The following MAP7 variants were observed in gnomAD, a reference collection of about 807,000 sequenced individuals.
MAP7 encodes ensconsin.
In MAP7, 52 loss-of-function variants were observed where a neutral mutation model predicts 94.8. That is an observed-to-expected ratio of 0.55 (90% confidence interval 0.44 to 0.69). The LOEUF is 0.69. Ranked by LOEUF, MAP7 falls within the 30% of genes least tolerant of loss-of-function variation. The pLI is 0.00. For missense variants in MAP7, 940 were observed against 964.6 expected (o/e 0.97, Z 0.34); for synonymous variants, 350 against 357.0 (o/e 0.98, Z 0.22).
intron 1 of MAP7, among the ~76,000 whole-genome samples, chr6:136,495,639 G>GT (rs758286223): frequency 2.6e-5 from 4 of 152,138 alleles, no homozygotes; most frequent in Non-Finnish European, 4.4e-5. Flanking sequence ...ACCTGTATAA[G>GT]TTTTTTTAAA....
At chr6:136,483,792 C>G (rs902332109) in intron 1 of MAP7, among the ~76,000 whole-genome samples, 9 of 152,178 alleles carry the variant, frequency 5.9e-5, no homozygotes, top group African/African-American at 2.2e-4. Flanking sequence ...AACTGTCTTG[C>G]TGTAAACTTC....
intron 1 of MAP7, chr6:136,526,206 C>T: frequency 8.1e-7 from 1 of 1,234,568 alleles, no homozygotes; most frequent in Non-Finnish European, 1.0e-6. Context: ...TACCAGCCCC[C>T]TCCCACTGAC....
intron 1 of MAP7, among the ~76,000 whole-genome samples, chr6:136,542,084 A>C (rs1829370373): frequency 6.6e-6 from 1 of 152,224 alleles, no homozygotes; most frequent in Non-Finnish European, 1.5e-5. Flanking sequence ...AAAAAATTTC[A>C]AAGTGGTACC....
At chr6:136,515,436 G>A (rs552598016) in intron 1 of MAP7, among the ~76,000 whole-genome samples, 1 of 152,192 alleles carries the variant, frequency 6.6e-6, no homozygotes, top group Non-Finnish European at 1.5e-5. Flanking sequence ...TGGCGCAAGA[G>A]GCCTAGCTCT....
intron 1 of MAP7, among the ~76,000 whole-genome samples, chr6:136,454,303 C>A (rs953879689): frequency 9.9e-5 from 15 of 151,756 alleles, no homozygotes; most frequent in African/African-American, 3.4e-4. Context: ...ATCTATCTAT[C>A]TATCTATCTA....
chr6:136,353,235 A>C (rs1186656598), intron 16 of MAP7, among the ~76,000 whole-genome samples: 3 of 152,228 alleles, frequency 2.0e-5, no homozygotes, highest in East Asian at 1.9e-4. Flanking sequence ...ACATAATTTC[A>C]GTGCTCCATT....
chr6:136,425,162 C>G (rs1270046622), intron 1 of MAP7, among the ~76,000 whole-genome samples: 1 of 152,188 alleles, frequency 6.6e-6, no homozygotes, highest in Non-Finnish European at 1.5e-5. Flanking sequence ...AGCAGGAGGG[C>G]ACAAGATTTC....
intron 6 of MAP7, 151 bp downstream of exon 6, chr6:136,383,520 C>T (rs1328678754): frequency 1.0e-5 from 5 of 489,110 alleles, no homozygotes; most frequent in East Asian, 3.7e-5. Flanking sequence ...GCTGCTCAGC[C>T]GTTTATTGCT....
Position 136,541,539 on chromosome 6 carries a change from T to C in MAP7, c.67+8803A>G, listed in dbSNP as rs558787440. On this transcript the variant is annotated intron_variant, in intron 1 of 17. Coordinates refer to ENST00000354570, the MANE Select transcript of MAP7 (RefSeq NM_003980.6). ...AGATATATCATTTACTAACAGTGCC[T>C]ATGAAGTGCAGCTCACATATGCCAA... is the stretch of plus-strand genomic sequence containing the variant. Among the ~76,000 whole-genome samples, 111 of 152,294 alleles carry C rather than the reference T, an allele frequency of 7.3e-4. 1 individual carries two copies. The highest frequency in any genetic ancestry group is 1.4e-3 in the Non-Finnish European group (98 of 68,022).
chr6:136,473,142 G>A (rs1583013500), intron 1 of MAP7, among the ~76,000 whole-genome samples: 1 of 152,090 alleles, frequency 6.6e-6, no homozygotes, highest in South Asian at 2.1e-4. Flanking sequence ...AAGAGCCAAG[G>A]CACATGCCCT....
intron 3 of MAP7, among the ~76,000 whole-genome samples, chr6:136,393,978 ATTT>A (rs1554242698): frequency 5.5e-5 from 2 of 36,202 alleles, no homozygotes; most frequent in Non-Finnish European, 7.1e-5. Flanking sequence ...CAGCAAAGGT[ATTT>A]TTTTTTTTTT....
intron 6 of MAP7, among the ~76,000 whole-genome samples, chr6:136,382,078 T>C (rs993157599): frequency 1.4e-4 from 21 of 152,106 alleles, no homozygotes; most frequent in African/African-American, 4.8e-4. Flanking sequence ...CGCAACCTCT[T>C]AGGGACTCTA....
At chr6:136,466,773 T>C (rs1489518109) in intron 1 of MAP7, 1 of 1,535,404 alleles carries the variant, frequency 6.5e-7, no homozygotes, top group South Asian at 1.2e-5. Context: ...TACAGTTTAG[T>C]GTCTTCCATG....
At chr6:136,491,577 T>C (rs1816632699) in intron 1 of MAP7, among the ~76,000 whole-genome samples, 1 of 152,248 alleles carries the variant, frequency 6.6e-6, no homozygotes, top group Admixed American at 6.5e-5. Context: ...CCTGTATCCC[T>C]GTGCAAGGAA....
At chr6:136,524,249 A>T (rs1827224889) in intron 1 of MAP7, among the ~76,000 whole-genome samples, 1 of 152,012 alleles carries the variant, frequency 6.6e-6, no homozygotes. Flanking sequence ...ATCTCAAAAA[A>T]AAGAAAAGAA....
intron 1 of MAP7, among the ~76,000 whole-genome samples, chr6:136,513,156 A>C (rs1018489540): frequency 6.6e-6 from 1 of 152,088 alleles, no homozygotes; most frequent in Non-Finnish European, 1.5e-5. Context: ...CAATTTCTTA[A>C]AGTAAGATAG....
At chr6:136,454,231 T>C (rs1000168015) in intron 1 of MAP7, among the ~76,000 whole-genome samples, 7 of 152,070 alleles carry the variant, frequency 4.6e-5, no homozygotes, top group Non-Finnish European at 7.4e-5. Context: ...AAAATGCTAA[T>C]TTGGATTTAA....
chr6:136,424,191 A>T (rs186181919), intron 1 of MAP7, among the ~76,000 whole-genome samples: 8 of 152,148 alleles, frequency 5.3e-5, no homozygotes, highest in Admixed American at 5.2e-4. Context: ...TGATTTCCAA[A>T]ATTTAAAAAC....
chr6:136,363,482 G>A (rs190903107), intron 10 of MAP7, among the ~76,000 whole-genome samples: 1 of 152,260 alleles, frequency 6.6e-6, no homozygotes, highest in Admixed American at 6.5e-5. Flanking sequence ...GACTTTTCTC[G>A]GCCATCATGA....
Sources: gnomAD v4.1 joint callset for allele counts (sites outside exome capture counted in the v4.1 genomes callset) on GRCh38, gnomAD v4.1.1 for gene constraint, MANE v1.5 for transcripts, NCBI Gene and HGNC (gene_info 2026-07-23, HGNC 2026-07-21) for gene names.